MCM10: variants seen among roughly 807,000 people sequenced by gnomAD.
The protein encoded by MCM10 is minichromosome maintenance 10 replication initiation factor.
MCM10 carries 91 observed loss-of-function variants against 109.9 expected under a neutral mutation model. That is an observed-to-expected ratio of 0.83 (90% CI 0.70 to 0.99). The LOEUF (loss-of-function observed/expected upper bound fraction) is 0.99, where lower values mean the gene tolerates loss of function less well. Among genes scored for constraint, MCM10 ranks in the 50% least tolerant of loss-of-function variants. MCM10 has a pLI of 0.00. For synonymous variants in MCM10, 380 were observed against 387.2 expected (o/e 0.98, Z 0.22); for missense variants, 1,077 against 1,061.2 (o/e 1.01, Z -0.21).
rs1446548087 is a variant in MCM10 at position 13,192,526 on chromosome 10, T to G, written c.1703T>G (p.Met568Arg). ...CTCTTGAAGCAACAGAAGCAGCGGA[T>G]GTTGGAGATGAGGAGAAGGAAATCA... ...SALLKQQKQR[M>R]LEMRRRKSEE... Residue 568 changes from methionine (M) to arginine (R), a missense_variant, in exon 13 of 20, where the codon ATG becomes AGG. By Grantham distance (91) the Met-to-Arg change is moderately conservative (BLOSUM62 -1). Coordinates refer to ENST00000378714, the MANE Select transcript of MCM10 (RefSeq NM_018518.5). 1.9e-6 allele frequency: 3 copies of G among 1,613,938 alleles called. No homozygotes were observed. The highest frequency in any genetic ancestry group is 2.5e-6 in the Non-Finnish European group (3 of 1,180,018).
At chr10:13,208,998 G>T in intron 18 of MCM10, 93 bp from the exon 19 acceptor site, 1 of 840,494 alleles carries the variant, frequency 1.2e-6, no homozygotes, top group Non-Finnish European at 2.0e-6. Flanking sequence ...CCTTGAATGG[G>T]GGCCTACTCT....
intron 9 of MCM10, among the ~76,000 whole-genome samples, chr10:13,187,867 TG>T (rs2097336836): frequency 6.6e-6 from 1 of 152,036 alleles, no homozygotes; most frequent in African/African-American, 2.4e-5. Context: ...ATTGTCTGGA[TG>T]GGGCGGTGGC....
At chr10:13,208,820 G>A (rs922105998) in intron 18 of MCM10, among the ~76,000 whole-genome samples, 4 of 152,130 alleles carry the variant, frequency 2.6e-5, no homozygotes, top group Non-Finnish European at 4.4e-5. Flanking sequence ...CCTGCAGTGC[G>A]TGGATCCCTG....
chr10:13,183,153 A>C (rs1477509206), intron 8 of MCM10, 53 bp downstream of exon 8: 4 of 1,580,830 alleles, frequency 2.5e-6, no homozygotes, highest in Non-Finnish European at 3.5e-6. Context: ...AAGTTAACTG[A>C]GTTTTATCAA....
intron 9 of MCM10, among the ~76,000 whole-genome samples, chr10:13,186,757 C>T (rs932656540): frequency 1.1e-4 from 16 of 152,190 alleles, no homozygotes; most frequent in Non-Finnish European, 2.1e-4. Flanking sequence ...TTCGGGAGGT[C>T]GAGGCGGACA....
At position 13,201,565 on chromosome 10, in the gene MCM10, TG is replaced by T. The variant is rs776373146; in HGVS notation, c.2352+34del. On this transcript the variant is annotated intron_variant, in intron 17 of 19. Transcript: ENST00000378714. ...TGAAGGTGGGGGCTGCAGCAACCCATGGGCCCTGTGTGGTGCTTTTGTGACT... is the reference window on the plus strand; with the variant it reads ...TGAAGGTGGGGGCTGCAGCAACCCATGGCCCTGTGTGGTGCTTTTGTGACT... The T allele has an allele frequency of 3.3e-6, 5 of 1,513,146 alleles. No individual in the cohort carries two copies. The African/African-American group carries it at 6.9e-5, about 21-fold the overall frequency. 93.7% of individuals were successfully genotyped at this position (1,513,146 alleles called of 1,614,324 possible).
At chr10:13,173,510 G>T (rs1834102646) in intron 5 of MCM10, among the ~76,000 whole-genome samples, 1 of 152,162 alleles carries the variant, frequency 6.6e-6, no homozygotes, top group Non-Finnish European at 1.5e-5. Flanking sequence ...GCAGTGAAAA[G>T]GCTTTCTGCC....
At chr10:13,177,940 C>T (rs1308364117) in intron 6 of MCM10, among the ~76,000 whole-genome samples, 1 of 151,960 alleles carries the variant, frequency 6.6e-6, no homozygotes, top group African/African-American at 2.4e-5. Flanking sequence ...TGGATGGCAG[C>T]AAGATTGTTT....
rs372372504 is a variant in MCM10, at chr10:13,192,873, CAT to C, written c.1745+306_1745+307del. On this transcript the variant is annotated intron_variant, in intron 13 of 19. Transcript: ENST00000378714. Reference sequence around the variant, plus strand: ...GAGCGTAGGTTCACATGCTGGCTGTCATTTTCTCTCTCTCTCTCTTTTTTTTT... The same window carrying C: ...GAGCGTAGGTTCACATGCTGGCTGTCTTTCTCTCTCTCTCTCTTTTTTTTT... 2.1e-3 allele frequency among the ~76,000 whole-genome samples: 317 copies of C among 151,566 alleles called. 2 individuals are homozygous for C. The highest frequency in any genetic ancestry group is 7.1e-3 in the African/African-American group (294 of 41,338).
At position 13,171,076 on chromosome 10, in the gene MCM10, T is replaced by A. The variant is rs764293024; in HGVS notation, c.162T>A (p.Ser54=). 9.3e-6 allele frequency: 15 copies of A among 1,614,188 alleles called. No individual in the cohort carries two copies. In the Admixed American group the frequency reaches 2.5e-4, roughly 27 times the overall value. ...TTGATGCCGACGGCGACGGTGAATC[T>A]TATACAGAAGAGGCTGATGATGGAG... is the stretch of plus-strand genomic sequence containing the variant. ...ELFDADGDGE[S]YTEEADDGET... Residue 54 remains serine, a synonymous_variant, in exon 3 of 20, where the codon TCT becomes TCA. Transcript: ENST00000378714.
At chr10:13,183,315 G>A (rs924889505) in intron 8 of MCM10, among the ~76,000 whole-genome samples, 6 of 152,160 alleles carry the variant, frequency 3.9e-5, no homozygotes, top group South Asian at 4.1e-4. Context: ...AAAACTGGCT[G>A]TGAGTGGGGG....
chr10:13,189,103 T>G (rs750301035), intron 10 of MCM10, 23 bp downstream of exon 10: 1 of 1,613,656 alleles, frequency 6.2e-7, no homozygotes, highest in African/African-American at 1.3e-5. Flanking sequence ...CGGGCTTCTT[T>G]TGGGCAGAGG....
intron 15 of MCM10, among the ~76,000 whole-genome samples, chr10:13,198,060 G>A (rs950244279): frequency 6.6e-6 from 1 of 151,866 alleles, no homozygotes; most frequent in Non-Finnish European, 1.5e-5. Context: ...CTACAAGCGC[G>A]CGCCACCACG....
At chr10:13,179,856 T>C (rs1477931435) in intron 6 of MCM10, among the ~76,000 whole-genome samples, 1 of 152,218 alleles carries the variant, frequency 6.6e-6, no homozygotes, top group Non-Finnish European at 1.5e-5. Context: ...TGCAGAAGAA[T>C]ATTAAAATTT....
At position 13,209,093 on chromosome 10, in the gene MCM10, A is replaced by T; in HGVS notation, c.2501A>T (p.Asn834Ile). Residue 834 changes from asparagine to isoleucine, a missense_variant and splice_region_variant, in exon 19 of 20, where the codon AAC becomes ATC. By Grantham distance (149) the Asn-to-Ile change is moderately radical. Coordinates refer to ENST00000378714, the MANE Select transcript of MCM10 (RefSeq NM_018518.5). Reference protein sequence around the residue: ...LDRLPNKHCSNCGLYKWERDG... With the variant: ...LDRLPNKHCSICGLYKWERDG... ...TAAATCCATCTGTTCTGTTTCAGTAACTGTGGCCTCTACAAATGGGAACGG... is the reference window on the plus strand; with the variant it reads ...TAAATCCATCTGTTCTGTTTCAGTATCTGTGGCCTCTACAAATGGGAACGG... 3 of 1,611,954 alleles carry T rather than the reference A, an allele frequency of 1.9e-6. No individual in the cohort carries two copies. Among genetic ancestry groups the T allele is most frequent in the Non-Finnish European group, 2.5e-6 (3 of 1,178,006 alleles).
In MCM10 at chr10:13,200,778, C is replaced by T. The variant is rs565811458; in HGVS notation, c.2239-643C>T. ...GTCTGTATTAGAACAGTAGAAATAA[C>T]TGCCTTTGGGCACACACTTGACATA... On this transcript the variant is annotated intron_variant, in intron 16 of 19. Transcript: ENST00000378714. Among the ~76,000 whole-genome samples the T allele has an allele frequency of 2.0e-5, 3 of 152,394 alleles. No homozygotes were observed. In the South Asian group the frequency reaches 6.2e-4, roughly 32 times the overall value.
chr10:13,204,269 T>C lies in MCM10; in HGVS notation c.2403T>C (p.His801=). 1 of 1,614,218 alleles carries C rather than the reference T, an allele frequency of 6.2e-7. No individual in the cohort carries two copies. Among genetic ancestry groups the C allele is most frequent in the Non-Finnish European group, 8.5e-7 (1 of 1,180,034 alleles). ...KLLETCVSEQ[H]EYHWHDGVKR... is the part of the protein sequence containing the mutation. ...TGGAGACCTGCGTCAGTGAGCAGCA[T>C]GAATACCACTGGCATGATGGTGTGA... The change falls in exon 18 of 20, where the codon CAT becomes CAC. Residue 801 remains histidine, a synonymous_variant. Transcript: ENST00000378714.
intron 2 of MCM10, among the ~76,000 whole-genome samples, chr10:13,164,725 C>T (rs1038043006): frequency 1.3e-5 from 2 of 152,068 alleles, no homozygotes; most frequent in Admixed American, 1.3e-4. Flanking sequence ...AAAATGTTTA[C>T]CTAGAAAAGA....
In MCM10 at chr10:13,172,407, G is replaced by A. The variant is rs752708836; in HGVS notation, c.381G>A (p.Lys127=). The change falls in exon 4 of 20, where the codon AAG becomes AAA. Residue 127 remains lysine, a synonymous_variant. Transcript: ENST00000378714. This position sits in a 1 kb window ranked among gnomAD's most constrained non-coding sequence, Gnocchi z 5.2. Reference sequence around the variant, plus strand: ...TAAGGAATTTGCAAGAGCAAATGAAGGCCTTACAAGAGCAGCTAAAAGTAA... The same window carrying A: ...TAAGGAATTTGCAAGAGCAAATGAAAGCCTTACAAGAGCAGCTAAAAGTAA... ...EELRNLQEQM[K]ALQEQLKVTT... 1.9e-6 allele frequency: 3 copies of A among 1,613,908 alleles called. No homozygotes were observed. The highest frequency in any genetic ancestry group is 1.7e-6 in the Non-Finnish European group (2 of 1,179,942).
Sources: allele counts gnomAD v4.1 joint callset (sites outside exome capture counted in the v4.1 genomes callset), GRCh38; gene constraint gnomAD v4.1.1; non-coding constraint Gnocchi (gnomAD v3.1); transcripts MANE v1.5; gene names NCBI Gene and HGNC (gene_info 2026-07-23, HGNC 2026-07-21).